Variants in AK5 observed in about 807,000 individuals in gnomAD.
AK5 encodes adenylate kinase 5.
AK5 carries 27 observed loss-of-function variants against 69.5 expected under a neutral mutation model. The ratio of observed to expected loss-of-function variants is 0.39; its 90% confidence interval spans 0.29 to 0.54. The LOEUF is 0.54. Among genes scored for constraint, AK5 ranks in the 20% least tolerant of loss-of-function variants. AK5 has a pLI of 0.71. For missense variants in AK5, 531 were observed against 700.4 expected (o/e 0.76, Z 2.73); for synonymous variants, 260 against 244.4 (o/e 1.06, Z -0.60).
intron 8 of AK5, among the ~76,000 whole-genome samples, chr1:77,442,165 G>T (rs1440542276): frequency 6.6e-6 from 1 of 152,158 alleles, no homozygotes; most frequent in Non-Finnish European, 1.5e-5. Context: ...GTATGACAGT[G>T]GCTCAAAACT....
chr1:77,534,558 T>C (rs1430518068), intron 12 of AK5, among the ~76,000 whole-genome samples: 1 of 152,234 alleles, frequency 6.6e-6, no homozygotes, highest in Non-Finnish European at 1.5e-5. Context: ...TTAATTTTAT[T>C]TCATCCTCAC....
chr1:77,356,464 A>C (rs1310979849), intron 6 of AK5, among the ~76,000 whole-genome samples: 1 of 152,208 alleles, frequency 6.6e-6, no homozygotes, highest in Non-Finnish European at 1.5e-5. Context: ...CTGGTGATTA[A>C]AAACTCAGAA....
At chr1:77,466,928 G>A (rs745722262) in intron 8 of AK5, among the ~76,000 whole-genome samples, 11 of 152,292 alleles carry the variant, frequency 7.2e-5, no homozygotes, top group Middle Eastern at 3.4e-3. Context: ...TAGTGCTTTT[G>A]CCAACATCCC....
intron 10 of AK5, among the ~76,000 whole-genome samples, chr1:77,510,578 G>A (rs1245144618): frequency 1.3e-5 from 2 of 151,388 alleles, no homozygotes; most frequent in African/African-American, 4.9e-5. Flanking sequence ...ACACGCAATG[G>A]TAGAAATATT....
chr1:77,443,640 G>T (rs561466826), intron 8 of AK5, among the ~76,000 whole-genome samples: 1 of 149,682 alleles, frequency 6.7e-6, no homozygotes, highest in Non-Finnish European at 1.5e-5. Flanking sequence ...TAATAATGCC[G>T]CATTCCATGG....
intron 1 of AK5, among the ~76,000 whole-genome samples, chr1:77,284,979 C>T (rs912179221): frequency 2.6e-5 from 4 of 152,144 alleles, no homozygotes; most frequent in African/African-American, 4.8e-5. Flanking sequence ...GCAGAGGGCA[C>T]AGAGAATCTC....
At chr1:77,474,733 A>G (rs1343174390) in intron 8 of AK5, among the ~76,000 whole-genome samples, 1 of 152,172 alleles carries the variant, frequency 6.6e-6, no homozygotes, top group Non-Finnish European at 1.5e-5. Context: ...GTGATGTGAC[A>G]AAGGATGATG....
intron 7 of AK5, among the ~76,000 whole-genome samples, chr1:77,411,301 C>T (rs989678996): frequency 6.6e-6 from 1 of 152,110 alleles, no homozygotes; most frequent in African/African-American, 2.4e-5. Context: ...TGTAAATTAC[C>T]AGGTAGTCAC....
chr1:77,493,333 C>CG (rs1439317611), intron 10 of AK5, among the ~76,000 whole-genome samples: 1 of 151,718 alleles, frequency 6.6e-6, no homozygotes, highest in Admixed American at 6.6e-5. Context: ...CAGCAGCCCC[C>CG]CCCAGGTTCT....
chr1:77,456,501 G>A (rs1653492950), intron 8 of AK5, among the ~76,000 whole-genome samples: 1 of 152,206 alleles, frequency 6.6e-6, no homozygotes, highest in Non-Finnish European at 1.5e-5. Flanking sequence ...GCTTGGGCTG[G>A]GGCTCAGGGG....
At position 77,367,579 on chromosome 1, in the gene AK5, A is replaced by ATT; in HGVS notation, c.891+27011_891+27012insTT. On this transcript the variant is annotated intron_variant, in intron 6 of 13. Transcript: ENST00000354567. ...TTTTTATATATATATATATATATATAATATATATGTTATATATGTAATATA... is the reference window on the plus strand; with the variant it reads ...TTTTTATATATATATATATATATATATTATATATATGTTATATATGTAATATA... 3.7e-5 allele frequency among the ~76,000 whole-genome samples: 2 copies of ATT among 53,396 alleles called. 1 individual carries two copies. The allele number at this position is 53,396 out of a possible 152,430, so 35.0% of individuals were successfully genotyped here.
chr1:77,468,670 G>A (rs1209572424), intron 8 of AK5, among the ~76,000 whole-genome samples: 8 of 152,330 alleles, frequency 5.3e-5, no homozygotes, highest in Non-Finnish European at 2.9e-5. Context: ...AAAAGAGCAG[G>A]CCGGTTTCCT....
chr1:77,311,845 T>A (rs1376911993), intron 5 of AK5, among the ~76,000 whole-genome samples: 1 of 152,110 alleles, frequency 6.6e-6, no homozygotes, highest in East Asian at 1.9e-4. Context: ...TGAGGTTCCA[T>A]GTAAGACTTT....
intron 13 of AK5, among the ~76,000 whole-genome samples, chr1:77,544,318 G>A (rs1659428539): frequency 6.6e-6 from 1 of 152,128 alleles, no homozygotes; most frequent in Non-Finnish European, 1.5e-5. Context: ...CTTTATAAAT[G>A]CTGTACAGTT....
At chr1:77,466,697 G>A (rs1365345321) in intron 8 of AK5, among the ~76,000 whole-genome samples, 1 of 152,216 alleles carries the variant, frequency 6.6e-6, no homozygotes, top group Non-Finnish European at 1.5e-5. Flanking sequence ...TCTGGTGAGG[G>A]CCTGTTTGCT....
chr1:77,485,616 C>T (rs542234283), intron 9 of AK5, among the ~76,000 whole-genome samples: 1 of 152,252 alleles, frequency 6.6e-6, no homozygotes, highest in East Asian at 1.9e-4. Flanking sequence ...AGATACTCTA[C>T]TTGTGTTTTA....
intron 8 of AK5, among the ~76,000 whole-genome samples, chr1:77,482,084 T>C (rs1416983919): frequency 1.3e-5 from 2 of 152,248 alleles, no homozygotes; most frequent in Non-Finnish European, 2.9e-5. Flanking sequence ...CGTAAACACA[T>C]ATGCATGTAT....
At chr1:77,404,588 GC>G (rs1649491962) in intron 6 of AK5, among the ~76,000 whole-genome samples, 1 of 152,092 alleles carries the variant, frequency 6.6e-6, no homozygotes, top group African/African-American at 2.4e-5. Flanking sequence ...AGGGTTCAGT[GC>G]CATAATATTT....
At chr1:77,406,704 G>GGAAA (rs1649678758) in intron 6 of AK5, among the ~76,000 whole-genome samples, 1 of 147,542 alleles carries the variant, frequency 6.8e-6, no homozygotes, top group Non-Finnish European at 1.5e-5. Flanking sequence ...CTGATGCTGA[G>GGAAA]GAAAAAAAAA....
Sources: gnomAD v4.1 joint callset for allele counts (sites outside exome capture counted in the v4.1 genomes callset) on GRCh38, gnomAD v4.1.1 for gene constraint, MANE v1.5 for transcripts, NCBI Gene and HGNC (gene_info 2026-07-23, HGNC 2026-07-21) for gene names.